Variants in MTRFR observed in about 807,000 individuals in gnomAD.
MTRFR encodes the protein mitochondrial translation release factor in rescue.
Under a neutral mutation model 11.9 loss-of-function variants are expected in MTRFR, and 10 were observed. That is an observed-to-expected ratio of 0.84 (90% CI 0.52 to 1.42). MTRFR has a LOEUF of 1.42. Ranked by LOEUF, MTRFR falls within the 40% of genes most tolerant of loss-of-function variation. The pLI is 0.00. For synonymous variants in MTRFR, 77 were observed against 79.1 expected (o/e 0.97, Z 0.14); for missense variants, 196 against 197.9 (o/e 0.99, Z 0.06).
chr12:123,240,209 CAAAA>C (rs55859746), intron 1 of MTRFR, among the ~76,000 whole-genome samples: 227 of 135,014 alleles, frequency 1.7e-3, no homozygotes, highest in Admixed American at 1.8e-3. Flanking sequence ...ATTAAAAATA[CAAAA>C]AAAAAAAAAA....
intron 1 of MTRFR, among the ~76,000 whole-genome samples, chr12:123,252,782 G>A (rs1054229361): frequency 4.6e-5 from 7 of 151,906 alleles, no homozygotes; most frequent in Non-Finnish European, 7.4e-5. Flanking sequence ...AAAATTAGCC[G>A]GGTGTGGTGG....
intron 1 of MTRFR, chr12:123,249,678 G>C (rs1254881321): frequency 6.6e-6 from 1 of 152,472 alleles, no homozygotes; most frequent in Non-Finnish European, 1.5e-5. Context: ...CACAAGCGGA[G>C]GGAGCCCGCT....
chr12:123,233,298 T>C (rs1309231990), upstream of MTRFR: 1 of 152,294 alleles, frequency 6.6e-6, no homozygotes, highest in African/African-American at 2.4e-5. Context: ...GGGGCGGGAT[T>C]GCTGTGAAAC....
chr12:123,241,148 T>G (rs74240773), intron 1 of MTRFR, among the ~76,000 whole-genome samples: 7,259 of 43,332 alleles, frequency 0.17, 308 homozygotes, highest in East Asian at 0.56. Context: ...GTTGTTTTTT[T>G]TTTGTTTTTG....
At chr12:123,249,891 TC>T (rs1450773991) in intron 1 of MTRFR, 1 of 152,228 alleles carries the variant, frequency 6.6e-6, no homozygotes, top group African/African-American at 2.4e-5. Flanking sequence ...TCTCAGGTGT[TC>T]TTTGTGCTTC....
intron 1 of MTRFR, chr12:123,248,836 C>T (rs1256774878): frequency 6.6e-6 from 1 of 152,236 alleles, no homozygotes; most frequent in African/African-American, 2.4e-5. Context: ...TTACAGACAG[C>T]TGATTGGTCT....
chr12:123,234,572 T>C (rs2047806129), intron 1 of MTRFR, among the ~76,000 whole-genome samples: 1 of 152,080 alleles, frequency 6.6e-6, no homozygotes, highest in Non-Finnish European at 1.5e-5. Context: ...ATTTTTTGTA[T>C]TTTTAGTAGA....
intron 1 of MTRFR, among the ~76,000 whole-genome samples, chr12:123,236,592 CA>C (rs113568323): frequency 0.027 from 2,876 of 105,650 alleles, 42 homozygotes; most frequent in Middle Eastern, 0.053. Context: ...GACCCTGTCT[CA>C]AAAAAAAAAA....
intron 1 of MTRFR, among the ~76,000 whole-genome samples, chr12:123,239,476 C>T (rs2047897436): frequency 6.6e-6 from 1 of 152,108 alleles, no homozygotes; most frequent in Non-Finnish European, 1.5e-5. Flanking sequence ...AATCTCGGCT[C>T]ACCGCAATCT....
intron 1 of MTRFR, chr12:123,251,438 C>A (rs1565996734): frequency 1.3e-5 from 2 of 152,294 alleles, no homozygotes; most frequent in Non-Finnish European, 2.9e-5. Flanking sequence ...GCTCCTCTGG[C>A]CACCCTCCCG....
chr12:123,246,112 C>T (rs996896442), intron 1 of MTRFR, among the ~76,000 whole-genome samples: 1 of 152,086 alleles, frequency 6.6e-6, no homozygotes, highest in Non-Finnish European at 1.5e-5. Context: ...GGCTGGAGTG[C>T]AGTGGGGCGA....
At chr12:123,233,023 C>T, upstream of MTRFR, 1 of 152,324 alleles carries the variant, frequency 6.6e-6, no homozygotes, top group Non-Finnish European at 1.5e-5. Flanking sequence ...TCCTAAGTCT[C>T]GTCTCCTGTC....
intron 1 of MTRFR, among the ~76,000 whole-genome samples, chr12:123,237,972 T>C (rs2047877439): frequency 6.6e-6 from 1 of 151,804 alleles, no homozygotes; most frequent in South Asian, 2.1e-4. Flanking sequence ...CTCAGCCCAC[T>C]GCAACCTCTG....
intron 1 of MTRFR, among the ~76,000 whole-genome samples, chr12:123,244,981 C>T (rs2048016938): frequency 8.7e-6 from 1 of 115,482 alleles, no homozygotes; most frequent in Non-Finnish European, 1.7e-5. Flanking sequence ...TTACTCTTGT[C>T]ACCCAGGCAA....
chr12:123,241,157 TG>T (rs201605889), intron 1 of MTRFR, among the ~76,000 whole-genome samples: 9 of 138,760 alleles, frequency 6.5e-5, no homozygotes, highest in Non-Finnish European at 8.1e-5. Context: ...TTTTTGTTTT[TG>T]TTTTTTTTTT....
Position 123,253,884 on chromosome 12 carries a change from A to G in MTRFR, c.210A>G (p.Pro70=), listed in dbSNP as rs1018852581. ...LEEQFVKGHG[P]GGQATNKTSN... is the part of the protein sequence containing the mutation. Reference sequence around the variant, plus strand: ...AGCAGTTTGTGAAAGGACACGGTCCAGGGGGCCAGGCAACCAACAAAACCA... The same window carrying G: ...AGCAGTTTGTGAAAGGACACGGTCCGGGGGGCCAGGCAACCAACAAAACCA... The change falls in exon 2 of 3, where the codon CCA becomes CCG. Residue 70 remains proline, a synonymous_variant. Coordinates refer to ENST00000253233, the MANE Select transcript of MTRFR (RefSeq NM_152269.5). 6.2e-6 allele frequency: 10 copies of G among 1,613,408 alleles called. No individual in the cohort carries two copies. Among genetic ancestry groups the G allele is most frequent in the East Asian group, 2.2e-5 (1 of 44,902 alleles).
chr12:123,241,609 G>A (rs910446301), intron 1 of MTRFR, among the ~76,000 whole-genome samples: 4 of 152,048 alleles, frequency 2.6e-5, no homozygotes, highest in Admixed American at 2.6e-4. Flanking sequence ...CAAAGTGCTG[G>A]GATTACAGGC....
intron 1 of MTRFR, chr12:123,252,478 A>T (rs2048125464): frequency 1.3e-5 from 2 of 151,604 alleles, no homozygotes; most frequent in African/African-American, 4.8e-5. Flanking sequence ...AACGATGAGT[A>T]CCAGTTGGAC....
At chr12:123,252,457 T>C (rs939727784) in intron 1 of MTRFR, 2 of 150,514 alleles carry the variant, frequency 1.3e-5, no homozygotes, top group African/African-American at 2.4e-5. Flanking sequence ...ATTAGTTGAC[T>C]TGGTAGTTCC....
Sources: gnomAD v4.1 joint callset for allele counts (sites outside exome capture counted in the v4.1 genomes callset) on GRCh38, gnomAD v4.1.1 for gene constraint, MANE v1.5 for transcripts, NCBI Gene and HGNC (gene_info 2026-07-23, HGNC 2026-07-21) for gene names.